Variants in SLC9C2 observed in about 807,000 individuals in gnomAD.
SLC9C2 encodes the protein sodium/hydrogen exchanger 11.
A neutral mutation model predicts 140.2 loss-of-function variants in SLC9C2; 75 were observed. The observed-to-expected ratio is 0.53, with a 90% confidence interval of 0.44 to 0.65. The LOEUF is 0.65. Among genes scored for constraint, SLC9C2 ranks in the 30% least tolerant of loss-of-function variants. SLC9C2 has a pLI of 0.00. For missense variants in SLC9C2, 1,074 were observed against 1,331.8 expected (o/e 0.81, Z 3.01); for synonymous variants, 375 against 420.9 (o/e 0.89, Z 1.34).
intron 27 of SLC9C2, among the ~76,000 whole-genome samples, chr1:173,502,906 A>C (rs7524403): frequency 0.22 from 33,558 of 152,046 alleles, 4,000 homozygotes; most frequent in East Asian, 0.31. Flanking sequence ...CAATCTGTAC[A>C]TCCAGGAATC....
At chr1:173,521,258 A>G (rs1660786093) in intron 22 of SLC9C2, 43 bp downstream of exon 22, 3 of 1,102,908 alleles carry the variant, frequency 2.7e-6, no homozygotes, top group South Asian at 3.2e-5. Context: ...GTTTCAAAAT[A>G]CATTTTAAGT....
At chr1:173,529,447 TA>T (rs888080105) in intron 18 of SLC9C2, among the ~76,000 whole-genome samples, 69 of 152,006 alleles carry the variant, frequency 4.5e-4, no homozygotes, top group African/African-American at 1.6e-3. Flanking sequence ...TCTTAAATGA[TA>T]AAAAATAAAT....
At chr1:173,523,544 G>A (rs913171725) in intron 21 of SLC9C2, among the ~76,000 whole-genome samples, 1 of 152,204 alleles carries the variant, frequency 6.6e-6, no homozygotes, top group African/African-American at 2.4e-5. Flanking sequence ...AGCTGACAGA[G>A]CATGAACTTG....
chr1:173,601,801 C>A lies in SLC9C2; in HGVS notation c.-25G>T, dbSNP rs763938101. 2.5e-6 allele frequency: 4 copies of A among 1,612,958 alleles called. No homozygotes were observed. Among genetic ancestry groups the A allele is most frequent in the South Asian group, 1.1e-5 (1 of 90,864 alleles). On this transcript the variant is annotated 5_prime_UTR_variant, in exon 2 of 28. It adds an upstream start codon to the 5' untranslated region. Coordinates refer to ENST00000367714, the MANE Select transcript of SLC9C2 (RefSeq NM_178527.4). Reference sequence around the variant, plus strand: ...TTTTTGCTGCTGCTTTTCCCCAGACCTAACTTGATGGAGTGGTTTGGTTAT... The same window carrying A: ...TTTTTGCTGCTGCTTTTCCCCAGACATAACTTGATGGAGTGGTTTGGTTAT...
chr1:173,518,358 C>T (rs1319720086), intron 22 of SLC9C2, among the ~76,000 whole-genome samples: 4 of 151,978 alleles, frequency 2.6e-5, no homozygotes, highest in African/African-American at 9.7e-5. Flanking sequence ...CCGCAATGGG[C>T]TAATGCATCA....
chr1:173,501,047 A>G lies in SLC9C2; in HGVS notation c.*47T>C, dbSNP rs1159780960. On this transcript the variant is annotated 3_prime_UTR_variant, in exon 28 of 28. Coordinates refer to ENST00000367714, the MANE Select transcript of SLC9C2 (RefSeq NM_178527.4). ...TTTGGTCTTTAACCTGACTCCACAC[A>G]TCATATTTGTATCATTAATACCCTT... The G allele has an allele frequency of 2.0e-6, 3 of 1,494,642 alleles. No individual in the cohort carries two copies. Among genetic ancestry groups the G allele is most frequent in the Non-Finnish European group, 2.7e-6 (3 of 1,123,876 alleles). The allele number at this position is 1,494,642 out of a possible 1,614,324, so 92.6% of individuals were successfully genotyped here.
At chr1:173,508,524 T>C (rs985580013) in intron 24 of SLC9C2, among the ~76,000 whole-genome samples, 1 of 151,972 alleles carries the variant, frequency 6.6e-6, no homozygotes, top group African/African-American at 2.4e-5. Flanking sequence ...CTCATGAAGA[T>C]GCAAGGTAAA....
chr1:173,573,308 G>A lies in SLC9C2; in HGVS notation c.920C>T (p.Ser307Leu), dbSNP rs1277971580. Residue 307 changes from serine (S) to leucine (L), a missense_variant, in exon 9 of 28, where the codon TCA (serine) becomes TTA (leucine). By Grantham distance (145) the Ser-to-Leu change is moderately radical. Transcript: ENST00000367714. ...LVITKFLRIF[S>L]SVYEHLIYAF... Reference sequence around the variant, plus strand: ...ATATATTAAATGTTCATATACAGATGAAAAAATTCTTAAGAACCTAGGATG... The same window carrying A: ...ATATATTAAATGTTCATATACAGATAAAAAAATTCTTAAGAACCTAGGATG... 6.6e-7 allele frequency: 1 copy of A among 1,523,718 alleles called. No homozygotes were observed. The highest frequency in any genetic ancestry group is 8.9e-7 in the Non-Finnish European group (1 of 1,121,160). 94.4% of individuals were successfully genotyped at this position (1,523,718 alleles called of 1,614,324 possible).
At chr1:173,563,842 C>A (rs947385877) in intron 9 of SLC9C2, among the ~76,000 whole-genome samples, 1 of 152,162 alleles carries the variant, frequency 6.6e-6, no homozygotes, top group Non-Finnish European at 1.5e-5. Context: ...CACTTTCCCC[C>A]CTTATCCCCC....
rs952725989 is a variant in SLC9C2, at chr1:173,546,528, T to C, written c.1557+1161A>G. Among the ~76,000 whole-genome samples, 3 of 152,144 alleles carry C rather than the reference T, an allele frequency of 2.0e-5. No homozygotes were observed. The South Asian group carries it at 6.2e-4, about 32-fold the overall frequency. On this transcript the variant is annotated intron_variant, in intron 13 of 27. Transcript: ENST00000367714. ...CCCAGGAGGTGGAGGTTGCAGTGAGTCAAGATCGCGCCACTGCACTCCAGC... is the reference window on the plus strand; with the variant it reads ...CCCAGGAGGTGGAGGTTGCAGTGAGCCAAGATCGCGCCACTGCACTCCAGC...
intron 16 of SLC9C2, 112 bp downstream of exon 16, chr1:173,534,372 A>T (rs1571492306): frequency 1.8e-6 from 2 of 1,138,496 alleles, no homozygotes; most frequent in East Asian, 6.2e-5. Flanking sequence ...GATCTCATCA[A>T]CTATCATAGC....
At chr1:173,598,116 A>G in intron 3 of SLC9C2, 84 bp from the exon 4 acceptor site, 1 of 1,400,394 alleles carries the variant, frequency 7.1e-7, no homozygotes, top group Non-Finnish European at 9.7e-7. Flanking sequence ...AATCAATATA[A>G]ATTTTAGAAT....
chr1:173,534,747 T>A, intron 15 of SLC9C2, 65 bp from the exon 16 acceptor site: 1 of 1,253,202 alleles, frequency 8.0e-7, no homozygotes, highest in Non-Finnish European at 1.1e-6. Flanking sequence ...AAGTTCAATA[T>A]TTGTTTAAAC....
At chr1:173,563,789 T>C (rs1175616761) in intron 9 of SLC9C2, among the ~76,000 whole-genome samples, 1 of 152,184 alleles carries the variant, frequency 6.6e-6, no homozygotes, top group African/African-American at 2.4e-5. Context: ...CATCAAATAC[T>C]AGGTTTTACT....
intron 10 of SLC9C2, 76 bp from the exon 11 acceptor site, chr1:173,554,890 C>A: frequency 1.1e-6 from 1 of 869,982 alleles, no homozygotes; most frequent in South Asian, 1.6e-5. Context: ...GTTCAATTAG[C>A]CACTTACAAA....
chr1:173,527,459 A>G (rs1028870484), intron 18 of SLC9C2, among the ~76,000 whole-genome samples: 1 of 152,268 alleles, frequency 6.6e-6, no homozygotes, highest in Non-Finnish European at 1.5e-5. Flanking sequence ...TGGAAAAATG[A>G]GAAAATACGA....
rs183694773 is a variant in SLC9C2 at position 173,592,721 on chromosome 1, C to T, written c.358-4891G>A. Among the ~76,000 whole-genome samples, 7 of 152,246 alleles carry T rather than the reference C, an allele frequency of 4.6e-5. 1 individual carries two copies. Among genetic ancestry groups the T allele is most frequent in the African/African-American group, 1.7e-4 (7 of 41,552 alleles). ...ATTGATTTCCTATCCTGCAACTTTGCTGAAGTTATTTATCAGCTGAAGGAG... is the reference window on the plus strand; with the variant it reads ...ATTGATTTCCTATCCTGCAACTTTGTTGAAGTTATTTATCAGCTGAAGGAG... On this transcript the variant is annotated intron_variant, in intron 4 of 27. Transcript: ENST00000367714.
At chr1:173,573,375 A>C in intron 8 of SLC9C2, 50 bp from the exon 9 acceptor site, 1 of 1,295,592 alleles carries the variant, frequency 7.7e-7, no homozygotes, top group South Asian at 1.5e-5. Context: ...TCTTAAAAAT[A>C]TATTTTCCTT....
chr1:173,600,480 A>G (rs1167657815), intron 2 of SLC9C2, among the ~76,000 whole-genome samples: 1 of 151,994 alleles, frequency 6.6e-6, no homozygotes, highest in Non-Finnish European at 1.5e-5. Context: ...TTTATTATAA[A>G]ATAGACTTTG....
Sources: gnomAD v4.1 joint callset for allele counts (sites outside exome capture counted in the v4.1 genomes callset) on GRCh38, gnomAD v4.1.1 for gene constraint, MANE v1.5 for transcripts, NCBI Gene and HGNC (gene_info 2026-07-23, HGNC 2026-07-21) for gene names.